Variants in NAA16 observed in about 807,000 individuals in gnomAD.
The protein encoded by NAA16 is NARG1-like protein.
NAA16 carries 97 observed loss-of-function variants against 110.3 expected under a neutral mutation model. The observed-to-expected ratio is 0.88, with a 90% CI of 0.75 to 1.04. The LOEUF (loss-of-function observed/expected upper bound fraction) is 1.04, where lower values mean the gene tolerates loss of function less well. Among genes scored for constraint, NAA16 ranks in the 50% least tolerant of loss-of-function variants. The pLI is 0.00. For synonymous variants in NAA16, 372 were observed against 330.6 expected (o/e 1.13, Z -1.36); for missense variants, 1,017 against 1,005.1 (o/e 1.01, Z -0.16).
chr13:41,316,158 C>G (rs2041803409), intron 1 of NAA16, among the ~76,000 whole-genome samples: 1 of 152,124 alleles, frequency 6.6e-6, no homozygotes, highest in Admixed American at 6.5e-5. Context: ...GAGACAGGGT[C>G]TCATTCAGTC....
Position 41,362,943 on chromosome 13 carries a change from A to G in NAA16, c.1539+784A>G, listed in dbSNP as rs1478469381. On this transcript the variant is annotated intron_variant, in intron 13 of 19. Transcript: ENST00000379406. ...CCACGTGAAATTTCTGAGATTACCCACAAGGAAGGCTAAATTTTAGGGGGT... is the reference window on the plus strand; with the variant it reads ...CCACGTGAAATTTCTGAGATTACCCGCAAGGAAGGCTAAATTTTAGGGGGT... The G allele has an allele frequency of 4.1e-5, 45 of 1,108,194 alleles. 1 individual carries two copies. In the South Asian group the frequency reaches 9.4e-4, roughly 23 times the overall value. The allele number at this position is 1,108,194 out of a possible 1,614,324, so 68.6% of individuals were successfully genotyped here.
At chr13:41,354,339 T>G (rs4277223) in intron 9 of NAA16, among the ~76,000 whole-genome samples, 144,233 of 152,268 alleles carry the variant, frequency 0.95, 68,382 homozygotes, top group South Asian at 0.99. Flanking sequence ...TATACCTTCT[T>G]ATATTAAATG....
chr13:41,341,876 G>A (rs1258621354), intron 9 of NAA16, among the ~76,000 whole-genome samples: 2 of 147,112 alleles, frequency 1.4e-5, no homozygotes. Flanking sequence ...CTGTCGCCCA[G>A]GCTGGAGTGC....
In NAA16 at chr13:41,375,628, A is replaced by T. The variant is rs375616011; in HGVS notation, c.*26A>T. The stretch of plus-strand genomic sequence containing the variant: ...AATCTTCTAGAAAGTAGACTCCTAT[A>T]GACTCAAAGCTGAATTGAGATCAGG... On this transcript the variant is annotated 3_prime_UTR_variant, in exon 20 of 20. Coordinates refer to ENST00000379406, the MANE Select transcript of NAA16 (RefSeq NM_024561.5). 2 of 1,551,030 alleles carry T rather than the reference A, an allele frequency of 1.3e-6. No homozygotes were observed. The highest frequency in any genetic ancestry group is 1.8e-6 in the Non-Finnish European group (2 of 1,134,682).
chr13:41,352,257 G>A (rs150530309), intron 9 of NAA16, among the ~76,000 whole-genome samples: 1,635 of 152,128 alleles, frequency 0.011, 47 homozygotes, highest in East Asian at 0.046. Flanking sequence ...CAGGAGGATG[G>A]CTTGAGCCTG....
At chr13:41,320,908 G>A in intron 4 of NAA16, 84 bp downstream of exon 4, 2 of 1,236,058 alleles carry the variant, frequency 1.6e-6, no homozygotes, top group Non-Finnish European at 2.2e-6. Flanking sequence ...GTGAGCATAA[G>A]CCAAAATCAA....
rs1008877897 is a variant in NAA16, at chr13:41,373,663, A to G, written c.2182A>G (p.Ile728Val). The change falls in exon 18 of 20, where the codon ATT becomes GTT. Residue 728 changes from isoleucine to valine, a missense_variant. By Grantham distance (29) the Ile-to-Val change is conservative (BLOSUM62 3). Transcript: ENST00000379406. ...SVSNHSNLPDIVSKVLSQEMQ... is the reference protein window; with the variant it reads ...SVSNHSNLPDVVSKVLSQEMQ... ...GTCTAATCATAGTAATCTTCCAGAC[A>G]TTGTGAGCAAAGTTCTATCTCAAGA... The G allele has an allele frequency of 3.7e-6, 6 of 1,608,578 alleles. No individual in the cohort carries two copies. Among genetic ancestry groups the G allele is most frequent in the Admixed American group, 1.7e-5 (1 of 58,974 alleles).
Position 41,336,649 on chromosome 13 carries a change from G to A in NAA16, c.908-1G>A. On this transcript the variant is annotated splice_acceptor_variant, in intron 8 of 19. Coordinates refer to ENST00000379406, the MANE Select transcript of NAA16 (RefSeq NM_024561.5). LOFTEE classifies it high-confidence loss of function. ...ATAACAAAGTACGCTTTTGTTTCTA[G>A]GTGAAAGATTTAGAGAACTAATGGA... 3.9e-6 allele frequency: 6 copies of A among 1,548,296 alleles called. No homozygotes were observed. The highest frequency in any genetic ancestry group is 4.4e-6 in the Non-Finnish European group (5 of 1,136,614).
intron 1 of NAA16, among the ~76,000 whole-genome samples, chr13:41,315,650 G>A (rs2041788880): frequency 6.6e-6 from 1 of 151,944 alleles, no homozygotes; most frequent in Admixed American, 6.5e-5. Context: ...TGCTCAATAA[G>A]TGGTAGTATT....
chr13:41,311,621 C>G (rs141528796), intron 1 of NAA16, 39 bp downstream of exon 1: 3 of 1,577,678 alleles, frequency 1.9e-6, no homozygotes, highest in Non-Finnish European at 2.6e-6. Flanking sequence ...CCCCGGTCCC[C>G]GGGTCCTCGG....
At chr13:41,358,588 T>G in intron 11 of NAA16, 115 bp downstream of exon 11, 1 of 1,481,084 alleles carries the variant, frequency 6.8e-7, no homozygotes. Context: ...CTTTTTCTAA[T>G]AATCCTGTGT....
At chr13:41,372,342 C>T in intron 16 of NAA16, 31 bp downstream of exon 16, 3 of 1,553,136 alleles carry the variant, frequency 1.9e-6, no homozygotes, top group Non-Finnish European at 2.6e-6. Context: ...AGTTTTTAAT[C>T]TTTAATTATA....
In NAA16 at chr13:41,334,751, A is replaced by C. The variant is rs78896420; in HGVS notation, c.908-1899A>C. Among the ~76,000 whole-genome samples the C allele has an allele frequency of 6.1e-3, 924 of 152,290 alleles. 5 individuals carry two copies. Among genetic ancestry groups the C allele is most frequent in the African/African-American group, 0.017 (719 of 41,558 alleles). Reference sequence around the variant, plus strand: ...TTCACACAGTTGCAAATTAGGTAAAAAGAGTTTATAAGTGAAGTCTTTTTC... The same window carrying C: ...TTCACACAGTTGCAAATTAGGTAAACAGAGTTTATAAGTGAAGTCTTTTTC... On this transcript the variant is annotated intron_variant, in intron 8 of 19. Transcript: ENST00000379406.
intron 7 of NAA16, among the ~76,000 whole-genome samples, chr13:41,329,654 A>C (rs959268495): frequency 6.6e-6 from 1 of 151,828 alleles, no homozygotes; most frequent in Non-Finnish European, 1.5e-5. Flanking sequence ...TTTTATGTTT[A>C]AAATTTAACA....
chr13:41,339,870 G>A lies in NAA16; in HGVS notation c.1014+3114G>A, dbSNP rs144594634. 3.2e-3 allele frequency among the ~76,000 whole-genome samples: 480 copies of A among 152,076 alleles called. 1 individual carries two copies. Among genetic ancestry groups the A allele is most frequent in the African/African-American group, 0.01 (430 of 41,496 alleles). On this transcript the variant is annotated intron_variant, in intron 9 of 19. Coordinates refer to ENST00000379406, the MANE Select transcript of NAA16 (RefSeq NM_024561.5). ...CACTGTGCCCGACTAAGTTGCATAA[G>A]GTTTTTAAAAACATAGGTAGGTATT...
chr13:41,321,951 A>G (rs138615615), intron 4 of NAA16, among the ~76,000 whole-genome samples: 173 of 152,308 alleles, frequency 1.1e-3, no homozygotes, highest in African/African-American at 3.6e-3. Flanking sequence ...CCACTCTTCA[A>G]AGCGTGTATT....
intron 8 of NAA16, among the ~76,000 whole-genome samples, chr13:41,335,578 C>T (rs554594932): frequency 2.0e-5 from 3 of 152,182 alleles, no homozygotes; most frequent in East Asian, 1.9e-4. Context: ...ATGTTGTCTT[C>T]GTAATCTGTG....
chr13:41,325,855 A>C lies in NAA16; in HGVS notation c.691+4A>C. On this transcript the variant is annotated splice_donor_region_variant and intron_variant, in intron 6 of 19. Transcript: ENST00000379406. ...CTTTTGGTGGAAGAAATTAAAGGTA[A>C]GTTGGCTTGCCTTTTTTTAATAGCC... The C allele has an allele frequency of 1.9e-6, 3 of 1,594,180 alleles. No individual in the cohort carries two copies. Among genetic ancestry groups the C allele is most frequent in the Non-Finnish European group, 2.6e-6 (3 of 1,172,782 alleles).
rs1265331523 is a variant in NAA16 at position 41,350,680 on chromosome 13, G to C, written c.1015-4464G>C. 2.0e-5 allele frequency among the ~76,000 whole-genome samples: 3 copies of C among 149,378 alleles called. No individual in the cohort carries two copies. In the East Asian group the frequency reaches 5.9e-4, roughly 29 times the overall value. ...CCGTTGCCCAGGCTGGAGCACAATG[G>C]CGCAATCTTGGTTCACTGCAATCTC... On this transcript the variant is annotated intron_variant, in intron 9 of 19. Coordinates refer to ENST00000379406, the MANE Select transcript of NAA16 (RefSeq NM_024561.5).
Sources: allele counts gnomAD v4.1 joint callset (sites outside exome capture counted in the v4.1 genomes callset), GRCh38; gene constraint gnomAD v4.1.1; transcripts MANE v1.5; gene names NCBI Gene and HGNC (gene_info 2026-07-23, HGNC 2026-07-21).